COL15A1: variants seen among roughly 807,000 people sequenced by gnomAD.
COL15A1 encodes collagen type XV alpha 1 chain.
COL15A1 carries 111 observed loss-of-function variants against 165.9 expected under a neutral mutation model. The observed-to-expected ratio is 0.67, with a 90% confidence interval of 0.57 to 0.78. The LOEUF (loss-of-function observed/expected upper bound fraction) is 0.78, where lower values mean the gene tolerates loss of function less well. Among genes scored for constraint, COL15A1 ranks in the 30% least tolerant of loss-of-function variants. The pLI is 0.00. For missense variants in COL15A1, 1,745 were observed against 1,789.7 expected (o/e 0.98, Z 0.45); for synonymous variants, 659 against 674.8 (o/e 0.98, Z 0.36).
chr9:99,023,513 G>C, intron 14 of COL15A1, 64 bp downstream of exon 14: 1 of 791,818 alleles, frequency 1.3e-6, no homozygotes, highest in Non-Finnish European at 2.2e-6. Flanking sequence ...CCAGAGGGAG[G>C]GACGTGGGGG....
At chr9:99,062,160 C>T in intron 37 of COL15A1, 61 bp downstream of exon 37, 3 of 1,603,832 alleles carry the variant, frequency 1.9e-6, no homozygotes, top group Admixed American at 3.3e-5. Context: ...TAATAATCTA[C>T]TCCCATAAAT....
intron 2 of COL15A1, among the ~76,000 whole-genome samples, chr9:98,962,652 G>T (rs574634242): frequency 2.0e-5 from 3 of 152,252 alleles, no homozygotes; most frequent in African/African-American, 7.2e-5. Flanking sequence ...TTTATCTGAT[G>T]ACAGAGTGCT....
intron 2 of COL15A1, among the ~76,000 whole-genome samples, chr9:98,957,342 A>G (rs906243984): frequency 6.6e-6 from 1 of 152,274 alleles, no homozygotes; most frequent in Non-Finnish European, 1.5e-5. Flanking sequence ...GCTTCCAGAA[A>G]GAACCATGGT....
intron 39 of COL15A1, among the ~76,000 whole-genome samples, chr9:99,065,187 C>T (rs1345833255): frequency 6.6e-6 from 1 of 152,206 alleles, no homozygotes; most frequent in Non-Finnish European, 1.5e-5. Context: ...CTCTGTGTCT[C>T]TCTAAAGGAC....
At position 98,944,250 on chromosome 9, in the gene COL15A1, G is replaced by C; in HGVS notation, c.100G>C (p.Glu34Gln). Residue 34 changes from glutamate to glutamine, a missense_variant and splice_region_variant, in exon 2 of 42, where the codon GAG (glutamate) becomes CAG (glutamine). Glu to Gln is a conservative substitution (Grantham distance 29). Coordinates refer to ENST00000375001, the MANE Select transcript of COL15A1 (RefSeq NM_001855.5). Reference sequence around the variant, plus strand: ...TGTCACCCAGACCCGCGGTGCGACAGGTAAGCAACCCGGTCGGAGGGTGGC... The same window carrying C: ...TGTCACCCAGACCCGCGGTGCGACACGTAAGCAACCCGGTCGGAGGGTGGC... ...PAVTQTRGAT[E>Q]TASQGHLDLT... The C allele has an allele frequency of 6.2e-7, 1 of 1,613,654 alleles. No individual in the cohort carries two copies. Among genetic ancestry groups the C allele is most frequent in the Non-Finnish European group, 8.5e-7 (1 of 1,179,852 alleles).
At chr9:99,047,634 C>T (rs1023176652) in intron 26 of COL15A1, 152 bp from the exon 27 acceptor site, 14 of 767,122 alleles carry the variant, frequency 1.8e-5, no homozygotes, top group African/African-American at 1.2e-4. Context: ...ACAAGGAGGC[C>T]GCAGGCAGGG....
At chr9:98,989,055 C>A in intron 4 of COL15A1, 123 bp from the exon 5 acceptor site, 1 of 719,866 alleles carries the variant, frequency 1.4e-6, no homozygotes, top group South Asian at 1.5e-5. Context: ...CACACACACA[C>A]ACACACACAC....
intron 39 of COL15A1, among the ~76,000 whole-genome samples, chr9:99,063,797 G>A (rs570701773): frequency 1.3e-5 from 2 of 152,218 alleles, no homozygotes; most frequent in East Asian, 1.9e-4. Context: ...CATGAAGGAA[G>A]CAGAAGTGAC....
intron 16 of COL15A1, among the ~76,000 whole-genome samples, chr9:99,033,333 A>C (rs550790846): frequency 2.6e-5 from 4 of 152,290 alleles, no homozygotes; most frequent in African/African-American, 9.6e-5. Context: ...TAGCCCAATA[A>C]ACAACTGTTG....
At chr9:98,945,038 C>T (rs145578037) in intron 2 of COL15A1, among the ~76,000 whole-genome samples, 1 of 152,270 alleles carries the variant, frequency 6.6e-6, no homozygotes, top group East Asian at 1.9e-4. Context: ...ATTAATTAGA[C>T]CATTTTACCT....
intron 2 of COL15A1, among the ~76,000 whole-genome samples, chr9:98,971,978 A>G (rs910243648): frequency 2.6e-5 from 4 of 152,194 alleles, no homozygotes; most frequent in African/African-American, 9.7e-5. Context: ...GAGGTGCTGT[A>G]CTGACAGCTT....
intron 9 of COL15A1, among the ~76,000 whole-genome samples, chr9:99,013,709 A>G (rs1318922122): frequency 1.3e-5 from 2 of 152,220 alleles, no homozygotes; most frequent in Non-Finnish European, 2.9e-5. Context: ...CAGGTCTTAC[A>G]ATACAGGAGA....
At chr9:99,051,078 C>T (rs577187334) in intron 30 of COL15A1, among the ~76,000 whole-genome samples, 9 of 152,156 alleles carry the variant, frequency 5.9e-5, no homozygotes, top group African/African-American at 1.7e-4. Flanking sequence ...CCTGGGCAGT[C>T]GCTGCATCCC....
At chr9:98,953,117 G>T (rs1837717452) in intron 2 of COL15A1, among the ~76,000 whole-genome samples, 1 of 152,164 alleles carries the variant, frequency 6.6e-6, no homozygotes, top group South Asian at 2.1e-4. Flanking sequence ...CTTACAATAA[G>T]ACTCAATTTA....
At position 99,035,052 on chromosome 9, in the gene COL15A1, G is replaced by A; in HGVS notation, c.2118G>A (p.Gly706=). The change falls in exon 18 of 42, where the codon GGG becomes GGA. Residue 706 remains glycine (G), a synonymous_variant. Coordinates refer to ENST00000375001, the MANE Select transcript of COL15A1 (RefSeq NM_001855.5). ...ACAGAGGCTTACCTGGACCCCCGGG[G>A]AAAAAGGGACAAGCTGGCCCTCCTG... ...PGNRGLPGPP[G]KKGQAGPPGV... 3.1e-6 allele frequency: 5 copies of A among 1,612,666 alleles called. No individual in the cohort carries two copies. Among genetic ancestry groups the A allele is most frequent in the Non-Finnish European group, 3.4e-6 (4 of 1,178,850 alleles).
Position 98,961,264 on chromosome 9 carries a change from G to A in COL15A1, c.100+17014G>A, listed in dbSNP as rs190718508. The stretch of plus-strand genomic sequence containing the variant: ...GCTGCTTGCCCTCTAGGATCCTATA[G>A]TCTAATGGGGGACATTGATGCTAAA... On this transcript the variant is annotated intron_variant, in intron 2 of 41. Coordinates refer to ENST00000375001, the MANE Select transcript of COL15A1 (RefSeq NM_001855.5). Among the ~76,000 whole-genome samples the A allele has an allele frequency of 3.3e-5, 5 of 152,346 alleles. No individual in the cohort carries two copies. In the South Asian group the frequency reaches 8.3e-4, roughly 25 times the overall value.
At chr9:98,984,878 A>G (rs1222070275) in intron 2 of COL15A1, among the ~76,000 whole-genome samples, 1 of 152,072 alleles carries the variant, frequency 6.6e-6, no homozygotes. Context: ...TGCAACCACC[A>G]CCTCCGGGGT....
At chr9:98,988,319 A>C (rs1564031005) in intron 4 of COL15A1, among the ~76,000 whole-genome samples, 1 of 152,166 alleles carries the variant, frequency 6.6e-6, no homozygotes, top group South Asian at 2.1e-4. Flanking sequence ...CAGTGTAGTC[A>C]CGCGTTAGTC....
At chr9:99,012,294 T>G (rs886144357) in intron 9 of COL15A1, among the ~76,000 whole-genome samples, 12 of 152,230 alleles carry the variant, frequency 7.9e-5, no homozygotes, top group African/African-American at 2.9e-4. Context: ...AAAATGTGTA[T>G]GTACACATAA....
Sources: allele counts gnomAD v4.1 joint callset (sites outside exome capture counted in the v4.1 genomes callset), GRCh38; gene constraint gnomAD v4.1.1; transcripts MANE v1.5; gene names NCBI Gene and HGNC (gene_info 2026-07-23, HGNC 2026-07-21).